The following RHPN2 variants were observed in gnomAD, a reference collection of about 807,000 sequenced individuals.
The protein encoded by RHPN2 is rhophilin Rho GTPase binding protein 2.
RHPN2 carries 40 observed loss-of-function variants against 79.0 expected under a neutral mutation model. That is an observed-to-expected ratio of 0.51 (90% CI 0.39 to 0.66). The LOEUF is 0.66. Ranked by LOEUF, RHPN2 falls within the 30% of genes least tolerant of loss-of-function variation. The pLI, the probability that RHPN2 is intolerant of heterozygous loss-of-function variation, is 0.00. For synonymous variants in RHPN2, 285 were observed against 363.5 expected (o/e 0.78, Z 2.46); for missense variants, 686 against 883.5 (o/e 0.78, Z 2.83).
rs1261900113 is a variant in RHPN2 at position 33,061,247 on chromosome 19, G to C, written c.69+3537C>G. ...TTTCTTTTTTTTTTTTTTTTTTTTT[G>C]AGACGGAGTCTCGCTCTGTCACCCA... On this transcript the variant is annotated intron_variant, in intron 1 of 14. Transcript: ENST00000254260. Among the ~76,000 whole-genome samples the C allele has an allele frequency of 1.6e-4, 7 of 45,082 alleles. No homozygotes were observed. In the South Asian group the frequency reaches 3.7e-3, roughly 24 times the overall value. The allele number at this position is 45,082 out of a possible 152,430, so 29.6% of individuals were successfully genotyped here.
At chr19:32,982,081 G>A (rs916843011) in intron 14 of RHPN2, among the ~76,000 whole-genome samples, 2 of 151,978 alleles carry the variant, frequency 1.3e-5, no homozygotes, top group Admixed American at 6.6e-5. Context: ...ACAATATATC[G>A]CTGCAATAGT....
chr19:33,007,946 G>T, intron 7 of RHPN2, 68 bp downstream of exon 7: 1 of 1,562,102 alleles, frequency 6.4e-7, no homozygotes, highest in Non-Finnish European at 8.8e-7. Flanking sequence ...ATTCTCTTCA[G>T]TGGGGGGTCC....
intron 14 of RHPN2, among the ~76,000 whole-genome samples, chr19:32,984,104 A>G (rs1332440990): frequency 1.3e-5 from 2 of 152,162 alleles, no homozygotes; most frequent in Admixed American, 6.6e-5. Context: ...TGAAGGTTAC[A>G]CAGCTTGTGA....
chr19:33,063,682 G>A (rs1205328838), intron 1 of RHPN2, among the ~76,000 whole-genome samples: 1 of 152,190 alleles, frequency 6.6e-6, no homozygotes, highest in Non-Finnish European at 1.5e-5. Context: ...CCTGCCGCCT[G>A]CGGGTATCCC....
At chr19:33,005,647 G>T (rs1971784895) in intron 7 of RHPN2, among the ~76,000 whole-genome samples, 1 of 149,860 alleles carries the variant, frequency 6.7e-6, no homozygotes, top group Non-Finnish European at 1.5e-5. Context: ...CGGAGGGATG[G>T]CACCTGCTGT....
chr19:33,045,027 C>T (rs1382483103), intron 1 of RHPN2, among the ~76,000 whole-genome samples: 4 of 152,066 alleles, frequency 2.6e-5, no homozygotes, highest in Non-Finnish European at 2.9e-5. Context: ...ACCGCTTTCC[C>T]CCTCACTGTT....
rs561071286 is a variant in RHPN2, at chr19:33,030,631, C to T, written c.186-3999G>A. On this transcript the variant is annotated intron_variant, in intron 2 of 14. Coordinates refer to ENST00000254260, the MANE Select transcript of RHPN2 (RefSeq NM_033103.5). ...AAGAAATACATTTTATTTTACAACT[C>T]AGTACATGCATGCACACACACAGAC... is the stretch of plus-strand genomic sequence containing the variant. Among the ~76,000 whole-genome samples, 28 of 152,252 alleles carry T rather than the reference C, an allele frequency of 1.8e-4. 1 individual carries two copies. In the South Asian group the frequency reaches 4.4e-3, roughly 24 times the overall value.
chr19:33,048,728 A>AAAAAAAAAAC (rs1218483614), intron 1 of RHPN2, among the ~76,000 whole-genome samples: 15 of 150,478 alleles, frequency 1.0e-4, no homozygotes, highest in African/African-American at 3.7e-4. Flanking sequence ...TCAGTCTCAA[A>AAAAAAAAAAC]AAAAAAAAAA....
chr19:33,056,590 A>G (rs1972234552), intron 1 of RHPN2, among the ~76,000 whole-genome samples: 1 of 152,246 alleles, frequency 6.6e-6, no homozygotes, highest in South Asian at 2.1e-4. Flanking sequence ...TTCAGTAGGA[A>G]GAGCATAAAA....
chr19:32,990,728 T>A lies in RHPN2; in HGVS notation c.1645-59A>T, dbSNP rs969930863. The A allele has an allele frequency of 5.6e-6, 9 of 1,602,068 alleles. No individual in the cohort carries two copies. In the Admixed American group the frequency reaches 1.5e-4, roughly 27 times the overall value. On this transcript the variant is annotated intron_variant, in intron 13 of 14. Coordinates refer to ENST00000254260, the MANE Select transcript of RHPN2 (RefSeq NM_033103.5). ...TTGTTCACTCAAATCCTTGAATCAG[T>A]CCCCATTAACAAAATAGGTATTTGC...
chr19:33,011,951 G>A, intron 5 of RHPN2, 148 bp from the exon 6 acceptor site: 1 of 1,044,618 alleles, frequency 9.6e-7, no homozygotes, highest in African/African-American at 1.6e-5. Flanking sequence ...ACTCTGGGAG[G>A]GGTGGAAAGA....
chr19:33,059,966 G>A (rs1038703685), intron 1 of RHPN2, among the ~76,000 whole-genome samples: 10 of 152,118 alleles, frequency 6.6e-5, no homozygotes, highest in African/African-American at 1.2e-4. Context: ...CCCAGTTGGT[G>A]CCACCCAAAA....
intron 1 of RHPN2, among the ~76,000 whole-genome samples, chr19:33,052,014 TAA>T (rs1389030825): frequency 6.7e-6 from 1 of 148,308 alleles, no homozygotes. Context: ...AAAAAAGAAT[TAA>T]AGTCAGAAAG....
chr19:33,053,527 G>A (rs1349452780), intron 1 of RHPN2, among the ~76,000 whole-genome samples: 1 of 150,518 alleles, frequency 6.6e-6, no homozygotes, highest in Non-Finnish European at 1.5e-5. Context: ...AGGTTCAAGC[G>A]ATTCTCCTGC....
chr19:33,006,645 C>T lies in RHPN2; in HGVS notation c.760+1369G>A, dbSNP rs1266186694. On this transcript the variant is annotated intron_variant, in intron 7 of 14. Transcript: ENST00000254260. ...TGCCCTGCTCTTGCATCCATCCCCA[C>T]GTGGAGTCTGACCCAGACACAGCCC... 3.3e-5 allele frequency among the ~76,000 whole-genome samples: 5 copies of T among 152,200 alleles called. 1 individual carries two copies. Among genetic ancestry groups the T allele is most frequent in the South Asian group, 4.1e-4 (2 of 4,832 alleles).
At chr19:32,992,097 G>C in intron 12 of RHPN2, 128 bp from the exon 13 acceptor site, 1 of 979,014 alleles carries the variant, frequency 1.0e-6, no homozygotes, top group Non-Finnish European at 1.6e-6. Context: ...TGACACATCT[G>C]GGGGCATACA....
intron 4 of RHPN2, among the ~76,000 whole-genome samples, chr19:33,021,078 G>C (rs1056217529): frequency 2.6e-5 from 4 of 152,134 alleles, no homozygotes; most frequent in African/African-American, 9.7e-5. Flanking sequence ...ATTAATAAAA[G>C]AGGATATAAG....
chr19:33,006,416 G>C (rs1320618423), intron 7 of RHPN2, among the ~76,000 whole-genome samples: 3 of 152,042 alleles, frequency 2.0e-5, no homozygotes, highest in Non-Finnish European at 4.4e-5. Flanking sequence ...AGGCTGGTAG[G>C]ACCAATCATT....
At chr19:33,035,423 T>C (rs1972048440) in intron 2 of RHPN2, among the ~76,000 whole-genome samples, 1 of 152,184 alleles carries the variant, frequency 6.6e-6, no homozygotes, top group Admixed American at 6.6e-5. Flanking sequence ...TTTAAATACA[T>C]TTCCAACAAA....
Sources: allele counts gnomAD v4.1 joint callset (sites outside exome capture counted in the v4.1 genomes callset), GRCh38; gene constraint gnomAD v4.1.1; transcripts MANE v1.5; gene names NCBI Gene and HGNC (gene_info 2026-07-23, HGNC 2026-07-21).